Variants in CASS4 observed in about 807,000 individuals in gnomAD.
CASS4 encodes the protein cas scaffolding protein family member 4.
CASS4 carries 22 observed loss-of-function variants against 54.2 expected under a neutral mutation model. The observed-to-expected ratio is 0.41, with a 90% confidence interval of 0.29 to 0.58. CASS4 has a LOEUF of 0.58. Among genes scored for constraint, CASS4 ranks in the 20% least tolerant of loss-of-function variants. The pLI, the probability that CASS4 is intolerant of heterozygous loss-of-function variation, is 0.36. For synonymous variants in CASS4, 409 were observed against 391.5 expected (o/e 1.04, Z -0.53); for missense variants, 854 against 986.7 (o/e 0.87, Z 1.80).
At chr20:56,456,416 C>G (rs1981300184) in intron 5 of CASS4, among the ~76,000 whole-genome samples, 1 of 152,064 alleles carries the variant, frequency 6.6e-6, no homozygotes, top group South Asian at 2.1e-4. Context: ...CTCTGTCACC[C>G]AGGTGGGAGT....
intron 1 of CASS4, among the ~76,000 whole-genome samples, chr20:56,420,272 G>T (rs1297622443): frequency 6.6e-6 from 1 of 152,152 alleles, no homozygotes; most frequent in Non-Finnish European, 1.5e-5. Context: ...TCTGTCTTTT[G>T]TGGGGTTAGG....
At position 56,452,856 on chromosome 20, in the gene CASS4, G is replaced by A. The variant is rs1981103300; in HGVS notation, c.1680G>A (p.Glu560=). 6.2e-7 allele frequency: 1 copy of A among 1,613,984 alleles called. No homozygotes were observed. The highest frequency in any genetic ancestry group is 1.3e-5 in the African/African-American group (1 of 74,898). The change falls in exon 5 of 6, where the codon GAG becomes GAA. Residue 560 remains glutamate, a synonymous_variant. Transcript: ENST00000679887. ...DSVQNSPDDL[E]RFVMVARMLP... Reference sequence around the variant, plus strand: ...TCCAGAACAGCCCAGATGACCTTGAGAGGTTTGTCATGGTGGCACGGATGC... The same window carrying A: ...TCCAGAACAGCCCAGATGACCTTGAAAGGTTTGTCATGGTGGCACGGATGC...
At chr20:56,455,368 T>C (rs1490231600) in intron 5 of CASS4, among the ~76,000 whole-genome samples, 1 of 152,130 alleles carries the variant, frequency 6.6e-6, no homozygotes, top group African/African-American at 2.4e-5. Flanking sequence ...ATAACTGAGC[T>C]TGGGAAACTT....
chr20:56,448,046 G>T (rs1036999644), intron 3 of CASS4, among the ~76,000 whole-genome samples: 8 of 151,852 alleles, frequency 5.3e-5, no homozygotes, highest in African/African-American at 1.9e-4. Context: ...GGAGGCTGAG[G>T]CAGGAGAGTG....
Position 56,458,615 on chromosome 20 carries a change from G to C in CASS4, c.2229G>C (p.Leu743=), listed in dbSNP as rs755764439. Residue 743 remains leucine, a synonymous_variant, in exon 6 of 6, where the codon CTG becomes CTC. Coordinates refer to ENST00000679887, the MANE Select transcript of CASS4 (RefSeq NM_020356.4). Reference sequence around the variant, plus strand: ...GTGGCAGCAGTCACCTCTGCAGCCTGCTCAAGGACGTAGCGCTGGCCACTA... The same window carrying C: ...GTGGCAGCAGTCACCTCTGCAGCCTCCTCAAGGACGTAGCGCTGGCCACTA... ...ILRGSSHLCS[L]LKDVALATKN... 6.2e-7 allele frequency: 1 copy of C among 1,613,850 alleles called. No individual in the cohort carries two copies. Among genetic ancestry groups the C allele is most frequent in the African/African-American group, 1.3e-5 (1 of 74,910 alleles).
chr20:56,456,884 G>A (rs997251545), intron 5 of CASS4, among the ~76,000 whole-genome samples: 2 of 150,452 alleles, frequency 1.3e-5, no homozygotes, highest in East Asian at 2.0e-4. Context: ...ACAGAGTTTC[G>A]TATGTTGCCA....
rs953937721 is a variant in CASS4, at chr20:56,452,431, G to A, written c.1255G>A (p.Asp419Asn). ...IVSSCSTTST[D>N]DSSSSSSEES... ...TTCCTCGTGCTCCACCACATCCACCGACGACTCCTCCAGCTCTTCCTCGGA... is the reference window on the plus strand; with the variant it reads ...TTCCTCGTGCTCCACCACATCCACCAACGACTCCTCCAGCTCTTCCTCGGA... The change falls in exon 5 of 6, where the codon GAC becomes AAC. Residue 419 changes from aspartate (D) to asparagine (N), a missense_variant. Physicochemically the swap from Asp to Asn is conservative, Grantham distance 23 (BLOSUM62 1). Coordinates refer to ENST00000679887, the MANE Select transcript of CASS4 (RefSeq NM_020356.4). 12 of 1,613,824 alleles carry A rather than the reference G, an allele frequency of 7.4e-6. No individual in the cohort carries two copies. The highest frequency in any genetic ancestry group is 5.3e-5 in the African/African-American group (4 of 74,878).
rs917144314 is a variant in CASS4 at position 56,430,367 on chromosome 20, C to T, written c.37-6797C>T. The stretch of plus-strand genomic sequence containing the variant: ...AAGATGGGCATTTGGGGGAAATGTC[C>T]TTTTTGGAAATCGTTTAAGAACATT... On this transcript the variant is annotated intron_variant, in intron 1 of 5. Coordinates refer to ENST00000679887, the MANE Select transcript of CASS4 (RefSeq NM_020356.4). The surrounding 1 kb of genome is among the most constrained non-coding windows in gnomAD (Gnocchi z 4.2). Among the ~76,000 whole-genome samples the T allele has an allele frequency of 2.6e-5, 4 of 152,196 alleles. No homozygotes were observed. The highest frequency in any genetic ancestry group is 9.7e-5 in the African/African-American group (4 of 41,444).
chr20:56,435,447 ACTTC>A (rs1980108565), intron 1 of CASS4, among the ~76,000 whole-genome samples: 2 of 152,224 alleles, frequency 1.3e-5, no homozygotes, highest in African/African-American at 4.8e-5. Flanking sequence ...GGTAATTTTC[ACTTC>A]CTTCTTTTAT....
Position 56,412,413 on chromosome 20 carries a change from G to A in CASS4, c.-46G>A, listed in dbSNP as rs1978917287. 1.9e-6 allele frequency: 3 copies of A among 1,605,534 alleles called. No individual in the cohort carries two copies. The highest frequency in any genetic ancestry group is 1.7e-5 in the Admixed American group (1 of 59,280). Reference sequence around the variant, plus strand: ...ATTGCACAATCTGCCTCTGAAGCTGGAGATACTAGCTGCAGAGCTCAGGGG... The same window carrying A: ...ATTGCACAATCTGCCTCTGAAGCTGAAGATACTAGCTGCAGAGCTCAGGGG... On this transcript the variant is annotated 5_prime_UTR_variant, in exon 1 of 6. Transcript: ENST00000679887. This position sits in a 1 kb window ranked among gnomAD's most constrained non-coding sequence, Gnocchi z 4.2.
chr20:56,449,565 C>T (rs1359131465), intron 3 of CASS4, among the ~76,000 whole-genome samples: 1 of 151,940 alleles, frequency 6.6e-6, no homozygotes, highest in Non-Finnish European at 1.5e-5. Context: ...ACATATGTAA[C>T]AAACCTCCAC....
chr20:56,433,906 C>G (rs1379098847), intron 1 of CASS4, among the ~76,000 whole-genome samples: 2 of 152,150 alleles, frequency 1.3e-5, no homozygotes, highest in African/African-American at 4.8e-5. Context: ...GTGGGTACAG[C>G]AGGGAGGTGA....
chr20:56,427,357 A>G (rs1361910957), intron 1 of CASS4, among the ~76,000 whole-genome samples: 2 of 152,028 alleles, frequency 1.3e-5, no homozygotes, highest in Non-Finnish European at 2.9e-5. Context: ...GTAGGTGGTG[A>G]GGGGATTTTT....
At chr20:56,419,916 G>A (rs184774950) in intron 1 of CASS4, among the ~76,000 whole-genome samples, 63 of 152,258 alleles carry the variant, frequency 4.1e-4, no homozygotes, top group African/African-American at 1.4e-3. Context: ...GGTGGTGCAC[G>A]CCTGTAATCC....
At chr20:56,446,128 C>T in intron 3 of CASS4, 127 bp downstream of exon 3, 1 of 610,004 alleles carries the variant, frequency 1.6e-6, no homozygotes, top group South Asian at 2.1e-5. Context: ...CCAGAATACA[C>T]ATCACCACTC....
chr20:56,458,551 T>C lies in CASS4; in HGVS notation c.2165T>C (p.Met722Thr). The change falls in exon 6 of 6, where the codon ATG (methionine) becomes ACG (threonine). Residue 722 changes from methionine to threonine, a missense_variant. Transcript: ENST00000679887. ...CAGAAGCTGGTGGACACGCTGTGCATGGAGACCCAGGAGAGGGACGTGCGC... is the reference window on the plus strand; with the variant it reads ...CAGAAGCTGGTGGACACGCTGTGCACGGAGACCCAGGAGAGGGACGTGCGC... ...VGQKLVDTLC[M>T]ETQERDVRNE... 6.2e-7 allele frequency: 1 copy of C among 1,614,098 alleles called. No homozygotes were observed. Among genetic ancestry groups the C allele is most frequent in the Non-Finnish European group, 8.5e-7 (1 of 1,179,990 alleles).
rs1311638809 is a variant in CASS4, at chr20:56,437,431, A to C, written c.304A>C (p.Thr102Pro). ...CTCAGAGGAGACCTATCAGGTGCCCACTCTACCCCGCCCTCCCACTCCAGG... is the reference window on the plus strand; with the variant it reads ...CTCAGAGGAGACCTATCAGGTGCCCCCTCTACCCCGCCCTCCCACTCCAGG... ...ASSEETYQVPTLPRPPTPGPV... is the reference protein window; with the variant it reads ...ASSEETYQVPPLPRPPTPGPV... The change falls in exon 2 of 6, where the codon ACT (threonine) becomes CCT (proline). Residue 102 changes from threonine to proline, a missense_variant. By Grantham distance (38) the Thr-to-Pro change is conservative (BLOSUM62 -1). Transcript: ENST00000679887. This position sits in a 1 kb window ranked among gnomAD's most constrained non-coding sequence, Gnocchi z 4.7. 3.7e-6 allele frequency: 6 copies of C among 1,613,558 alleles called. No homozygotes were observed. The East Asian group carries it at 1.1e-4, about 30-fold the overall frequency.
At chr20:56,449,264 G>A (rs1980876835) in intron 3 of CASS4, among the ~76,000 whole-genome samples, 2 of 152,192 alleles carry the variant, frequency 1.3e-5, no homozygotes, top group Admixed American at 6.5e-5. Flanking sequence ...ATACACCATG[G>A]AATACTATGC....
rs1440532228 is a variant in CASS4 at position 56,458,718 on chromosome 20, A to G, written c.2332A>G (p.Thr778Ala). ...QAEAEKLEQH[T>A]RQFRGTLG is the part of the protein sequence containing the mutation. The stretch of plus-strand genomic sequence containing the variant: ...GGAGGCTGAGAAGCTGGAGCAACAC[A>G]CGCGGCAGTTCAGAGGGACACTGGG... The change falls in exon 6 of 6, where the codon ACG (threonine) becomes GCG (alanine). Residue 778 changes from threonine (T) to alanine (A), a missense_variant. Coordinates refer to ENST00000679887, the MANE Select transcript of CASS4 (RefSeq NM_020356.4). 1 of 1,609,878 alleles carries G rather than the reference A, an allele frequency of 6.2e-7. No homozygotes were observed. Among genetic ancestry groups the G allele is most frequent in the Non-Finnish European group, 8.5e-7 (1 of 1,178,256 alleles).
Sources: allele counts gnomAD v4.1 joint callset (sites outside exome capture counted in the v4.1 genomes callset), GRCh38; gene constraint gnomAD v4.1.1; non-coding constraint Gnocchi (gnomAD v3.1); transcripts MANE v1.5; gene names NCBI Gene and HGNC (gene_info 2026-07-23, HGNC 2026-07-21).